The following MTOR variants were observed in gnomAD, a reference collection of about 807,000 sequenced individuals.
MTOR encodes mechanistic target of rapamycin kinase.
In MTOR, 70 loss-of-function variants were observed where a neutral mutation model predicts 319.8. The ratio of observed to expected loss-of-function variants is 0.22; its 90% CI spans 0.18 to 0.27. MTOR has a LOEUF of 0.27. MTOR is among the 10% of genes least tolerant of loss of function. MTOR has a pLI of 1.00. For synonymous variants in MTOR, 1,183 were observed against 1,211.4 expected (o/e 0.98, Z 0.49); for missense variants, 1,890 against 3,274.4 (o/e 0.58, Z 10.32).
At chr1:11,249,996 C>A (rs1416779055) in intron 6 of MTOR, among the ~76,000 whole-genome samples, 3 of 149,360 alleles carry the variant, frequency 2.0e-5, no homozygotes, top group Non-Finnish European at 4.5e-5. Flanking sequence ...CAGGGGCGGC[C>A]GGGCAGAGGC....
rs1317098089 is a variant in MTOR at position 11,128,061 on chromosome 1, G to A, written c.5976C>T (p.Asn1992=). The A allele has an allele frequency of 1.2e-6, 2 of 1,614,090 alleles. No individual in the cohort carries two copies. The highest frequency in any genetic ancestry group is 4.5e-5 in the East Asian group (2 of 44,902). Residue 1992 remains asparagine, a synonymous_variant, in exon 43 of 58, where the codon AAC becomes AAT. Transcript: ENST00000361445. The surrounding 1 kb of genome is among the most constrained non-coding windows in gnomAD (Gnocchi z 5.3). ...GCTCACACATGTTCTTCAGAATCTT[G>A]TTGGCTGCATTGTGCCGGGCTGTCG... ...STTTARHNAA[N]KILKNMCEHS... is the part of the protein sequence containing the mutation.
chr1:11,139,504 G>A (rs2100478301), intron 35 of MTOR, 29 bp downstream of exon 35: 1 of 1,614,156 alleles, frequency 6.2e-7, no homozygotes, highest in Non-Finnish European at 8.5e-7. Context: ...GGCCCTACCT[G>A]CCCATGTGGG....
In MTOR at chr1:11,243,282, T is replaced by C. The variant is rs1288219609; in HGVS notation, c.1244A>G (p.Asp415Gly). 4 of 1,614,016 alleles carry C rather than the reference T, an allele frequency of 2.5e-6. No individual in the cohort carries two copies. Among genetic ancestry groups the C allele is most frequent in the Non-Finnish European group, 3.4e-6 (4 of 1,179,992 alleles). Residue 415 changes from aspartate to glycine, a missense_variant, in exon 9 of 58, where the codon GAT (aspartate) becomes GGT (glycine). Transcript: ENST00000361445. Reference protein sequence around the residue: ...SAFTDTQYLQDTMNHVLSCVK... With the variant: ...SAFTDTQYLQGTMNHVLSCVK... The stretch of plus-strand genomic sequence containing the variant: ...ACAGCTTAGGACATGGTTCATGGTA[T>C]CTTGGAGATACTGGGTATCTGAGCA...
At chr1:11,132,263 T>C (rs1643197532) in intron 38 of MTOR, 1 of 152,248 alleles carries the variant, frequency 6.6e-6, no homozygotes, top group South Asian at 2.1e-4. Context: ...GTTTACCGGA[T>C]GTATTTTCCA....
At chr1:11,169,786 C>A (rs1278184643) in intron 28 of MTOR, among the ~76,000 whole-genome samples, 1 of 152,146 alleles carries the variant, frequency 6.6e-6, no homozygotes, top group African/African-American at 2.4e-5. Context: ...GGGCTAATAT[C>A]ACCTCCTCCT....
At chr1:11,116,383 C>T (rs141087063) in intron 50 of MTOR, among the ~76,000 whole-genome samples, 8 of 152,286 alleles carry the variant, frequency 5.3e-5, no homozygotes, top group East Asian at 3.9e-4. Flanking sequence ...GGTGCAATCA[C>T]GGCTCACTAC....
chr1:11,198,883 A>T (rs1213732220), intron 28 of MTOR, among the ~76,000 whole-genome samples: 1 of 152,160 alleles, frequency 6.6e-6, no homozygotes, highest in Admixed American at 6.5e-5. Context: ...GCCCTTGAGT[A>T]CCCTCTGAAG....
intron 49 of MTOR, among the ~76,000 whole-genome samples, chr1:11,118,228 A>ATTTTTT (rs771785403): frequency 7.5e-5 from 9 of 120,750 alleles, no homozygotes; most frequent in African/African-American, 2.8e-4. Flanking sequence ...AACTTAGTTA[A>ATTTTTT]TTTTTTTTTT....
chr1:11,130,395 G>C, intron 39 of MTOR, 134 bp downstream of exon 39: 1 of 1,378,134 alleles, frequency 7.3e-7, no homozygotes, highest in Non-Finnish European at 9.8e-7. Flanking sequence ...CTGGATGGTA[G>C]ATAGGCAGTA....
chr1:11,195,001 G>T, intron 28 of MTOR: 1 of 1,613,760 alleles, frequency 6.2e-7, no homozygotes, highest in Non-Finnish European at 8.5e-7. Flanking sequence ...ATGAAAATCC[G>T]CCCAGAAGAC....
At chr1:11,255,555 A>T (rs1650278189) in intron 5 of MTOR, among the ~76,000 whole-genome samples, 2 of 152,080 alleles carry the variant, frequency 1.3e-5, no homozygotes. Flanking sequence ...ACTGAGCATA[A>T]AAAATTCATT....
intron 46 of MTOR, among the ~76,000 whole-genome samples, chr1:11,125,604 C>T (rs1471652958): frequency 6.6e-6 from 1 of 151,108 alleles, no homozygotes; most frequent in Non-Finnish European, 1.5e-5. Context: ...GTGGCATGCG[C>T]CTGTAATCTC....
Position 11,201,178 on chromosome 1 carries a change from AG to A in MTOR, c.3945-1476del, listed in dbSNP as rs1391574329. On this transcript the variant is annotated intron_variant, in intron 26 of 57. Transcript: ENST00000361445. ...CCTTCATCTCTAAAATCATAAAAAA[AG>A]TTTTCCTGATCTAGGTCAGAGGCCA... Among the ~76,000 whole-genome samples, 10 of 152,264 alleles carry A rather than the reference AG, an allele frequency of 6.6e-5. 1 individual carries two copies. The East Asian group carries it at 1.9e-3, about 29-fold the overall frequency.
At chr1:11,151,117 G>A (rs1644126155) in intron 30 of MTOR, among the ~76,000 whole-genome samples, 1 of 152,148 alleles carries the variant, frequency 6.6e-6, no homozygotes, top group Admixed American at 6.5e-5. Flanking sequence ...GAGCTGCTCT[G>A]CGCTCTAAGG....
At chr1:11,107,620 C>T in intron 57 of MTOR, 120 bp from the exon 58 acceptor site, 1 of 1,044,724 alleles carries the variant, frequency 9.6e-7, no homozygotes, top group South Asian at 1.6e-5. Flanking sequence ...CCTGAGCTCT[C>T]CCACAGCTAA....
In MTOR at chr1:11,253,999, A is replaced by G. The variant is rs1162571977; in HGVS notation, c.706-26T>C. ...CTATGTAGAGAGACAGGGTGCCTTC[A>G]TTAGAGACAGAGTACAAACCCAGAA... On this transcript the variant is annotated intron_variant, in intron 5 of 57. Coordinates refer to ENST00000361445, the MANE Select transcript of MTOR (RefSeq NM_004958.4). 1.9e-6 allele frequency: 3 copies of G among 1,613,956 alleles called. No individual in the cohort carries two copies. The African/African-American group carries it at 4.0e-5, about 22-fold the overall frequency.
chr1:11,206,666 T>A (rs1463093634), intron 25 of MTOR, among the ~76,000 whole-genome samples: 1 of 152,200 alleles, frequency 6.6e-6, no homozygotes, highest in Non-Finnish European at 1.5e-5. Flanking sequence ...AAGTCCCCCA[T>A]GTGGCCCTTT....
chr1:11,216,801 C>T (rs2100808682), intron 19 of MTOR, among the ~76,000 whole-genome samples: 1 of 152,272 alleles, frequency 6.6e-6, no homozygotes, highest in Admixed American at 6.5e-5. Flanking sequence ...TGCCCAGGCT[C>T]TTCCATGGGA....
At chr1:11,232,747 C>G (rs1647062278) in intron 15 of MTOR, among the ~76,000 whole-genome samples, 1 of 152,050 alleles carries the variant, frequency 6.6e-6, no homozygotes, top group Admixed American at 6.6e-5. Context: ...TGGTGGCACA[C>G]ACCTGTAATC....
Sources: allele counts gnomAD v4.1 joint callset (sites outside exome capture counted in the v4.1 genomes callset), GRCh38; gene constraint gnomAD v4.1.1; non-coding constraint Gnocchi (gnomAD v3.1); transcripts MANE v1.5; gene names NCBI Gene and HGNC (gene_info 2026-07-23, HGNC 2026-07-21).